EBF1: variants seen among roughly 807,000 people sequenced by gnomAD.
EBF1 encodes transcription factor COE1.
Under a neutral mutation model 68.4 loss-of-function variants are expected in EBF1, and 10 were observed. The ratio of observed to expected loss-of-function variants is 0.15; its 90% CI spans 0.09 to 0.25. EBF1 has a LOEUF of 0.25. EBF1 is among the 10% of genes least tolerant of loss of function. The pLI, the probability that EBF1 is intolerant of heterozygous loss-of-function variation, is 1.00. For missense variants in EBF1, 509 were observed against 794.4 expected (o/e 0.64, Z 4.32); for synonymous variants, 298 against 299.8 (o/e 0.99, Z 0.06).
chr5:158,740,300 C>T (rs1332033750), intron 10 of EBF1, among the ~76,000 whole-genome samples: 3 of 152,148 alleles, frequency 2.0e-5, no homozygotes, highest in Admixed American at 6.5e-5. Context: ...TAACCAAACG[C>T]GGAGTTCTGG....
At chr5:159,084,520 A>T in intron 5 of EBF1, 146 bp downstream of exon 5, 1 of 544,880 alleles carries the variant, frequency 1.8e-6, no homozygotes, top group Non-Finnish European at 2.9e-6. Flanking sequence ...CCAAATACTC[A>T]CATCTAACAG....
At chr5:159,056,261 G>T (rs1774708677) in intron 6 of EBF1, among the ~76,000 whole-genome samples, 1 of 152,168 alleles carries the variant, frequency 6.6e-6, no homozygotes, top group Non-Finnish European at 1.5e-5. Context: ...ACTACATTCA[G>T]TCATATATTT....
At chr5:159,040,166 C>T (rs527556749) in intron 6 of EBF1, among the ~76,000 whole-genome samples, 1 of 152,220 alleles carries the variant, frequency 6.6e-6, no homozygotes, top group East Asian at 1.9e-4. Flanking sequence ...TGACCCTGGC[C>T]AGTAAACCTA....
intron 7 of EBF1, among the ~76,000 whole-genome samples, chr5:158,830,688 A>T (rs530292870): frequency 6.6e-6 from 1 of 152,350 alleles, no homozygotes; most frequent in Non-Finnish European, 1.5e-5. Context: ...TTTACATAAA[A>T]ATAGTTTGCA....
At chr5:158,747,337 A>AT (rs1435670183) in intron 10 of EBF1, among the ~76,000 whole-genome samples, 2 of 152,198 alleles carry the variant, frequency 1.3e-5, no homozygotes, top group African/African-American at 4.8e-5. Context: ...GATACCCCAA[A>AT]AGGTAGATAT....
At chr5:158,866,853 A>ATATGTATATG (rs1554168697) in intron 6 of EBF1, among the ~76,000 whole-genome samples, 4 of 12,844 alleles carry the variant, frequency 3.1e-4, no homozygotes, top group Admixed American at 3.1e-3. Context: ...ATATATATAT[A>ATATGTATATG]TATATATATA....
intron 10 of EBF1, among the ~76,000 whole-genome samples, chr5:158,739,379 T>A (rs1378520233): frequency 6.6e-6 from 1 of 152,248 alleles, no homozygotes; most frequent in Non-Finnish European, 1.5e-5. Flanking sequence ...TGTTACTGTG[T>A]TTAAAGTGCT....
chr5:159,035,676 A>G (rs1181601176), intron 6 of EBF1, among the ~76,000 whole-genome samples: 1 of 152,220 alleles, frequency 6.6e-6, no homozygotes, highest in African/African-American at 2.4e-5. Context: ...CACATAAGCA[A>G]TGTTGACTGA....
chr5:158,804,578 C>G (rs1781227127), intron 8 of EBF1, among the ~76,000 whole-genome samples: 1 of 152,068 alleles, frequency 6.6e-6, no homozygotes, highest in Non-Finnish European at 1.5e-5. Context: ...GAAATCTTGA[C>G]ATTTTGATGT....
intron 10 of EBF1, among the ~76,000 whole-genome samples, chr5:158,733,599 A>T (rs1764563832): frequency 6.6e-6 from 1 of 152,232 alleles, no homozygotes; most frequent in Non-Finnish European, 1.5e-5. Flanking sequence ...AATTAGACAT[A>T]TTAAACTCAT....
chr5:158,881,945 T>G (rs895642241), intron 6 of EBF1, among the ~76,000 whole-genome samples: 3 of 152,238 alleles, frequency 2.0e-5, no homozygotes, highest in Admixed American at 6.5e-5. Context: ...CTATGTGTCT[T>G]TGACTTCCCT....
intron 5 of EBF1, among the ~76,000 whole-genome samples, chr5:159,076,269 T>G (rs901199434): frequency 8.5e-5 from 13 of 152,172 alleles, no homozygotes; most frequent in Admixed American, 1.3e-4. Flanking sequence ...ATTTTATGAA[T>G]GAATGTTATG....
chr5:158,759,153 G>A (rs149606268), intron 10 of EBF1, among the ~76,000 whole-genome samples: 59 of 152,242 alleles, frequency 3.9e-4, no homozygotes, highest in African/African-American at 1.3e-3. Flanking sequence ...ACTCAGTGAC[G>A]ACTTTCAATC....
intron 10 of EBF1, among the ~76,000 whole-genome samples, chr5:158,756,234 G>A (rs552841032): frequency 2.3e-4 from 35 of 151,824 alleles, no homozygotes; most frequent in Non-Finnish European, 5.0e-4. Flanking sequence ...GAGATGAAGC[G>A]TTTTGGCTGC....
chr5:159,075,845 C>T (rs561539888), intron 5 of EBF1, among the ~76,000 whole-genome samples: 1 of 152,278 alleles, frequency 6.6e-6, no homozygotes, highest in Admixed American at 6.5e-5. Flanking sequence ...CATTTCAATC[C>T]CTCTCAGTTG....
intron 6 of EBF1, among the ~76,000 whole-genome samples, chr5:158,979,977 T>A (rs1344269249): frequency 1.3e-5 from 2 of 152,178 alleles, no homozygotes; most frequent in African/African-American, 4.8e-5. Context: ...GGGAGTGTTT[T>A]GTTTTTTGTT....
chr5:158,799,602 A>G (rs141184611), intron 8 of EBF1, among the ~76,000 whole-genome samples: 1 of 152,276 alleles, frequency 6.6e-6, no homozygotes, highest in Admixed American at 6.5e-5. Context: ...TCACAGACCC[A>G]TGTAGACCAA....
chr5:158,797,115 G>A (rs1779732773), intron 8 of EBF1, among the ~76,000 whole-genome samples: 1 of 152,132 alleles, frequency 6.6e-6, no homozygotes, highest in Non-Finnish European at 1.5e-5. Flanking sequence ...CAACCACAGA[G>A]TTTTCCATGA....
chr5:158,747,438 G>T (rs1767833660), intron 10 of EBF1, among the ~76,000 whole-genome samples: 1 of 152,136 alleles, frequency 6.6e-6, no homozygotes, highest in African/African-American at 2.4e-5. Flanking sequence ...TTGCACCTAT[G>T]GAAAAAGACA....
Sources: gnomAD v4.1 joint callset for allele counts (sites outside exome capture counted in the v4.1 genomes callset) on GRCh38, gnomAD v4.1.1 for gene constraint, MANE v1.5 for transcripts, NCBI Gene and HGNC (gene_info 2026-07-23, HGNC 2026-07-21) for gene names.